Variants in PRICKLE2 observed in about 807,000 individuals in gnomAD.
The protein encoded by PRICKLE2 is prickle planar cell polarity protein 2.
Under a neutral mutation model 81.4 loss-of-function variants are expected in PRICKLE2, and 21 were observed. The ratio of observed to expected loss-of-function variants is 0.26; its 90% confidence interval spans 0.18 to 0.37. PRICKLE2 has a LOEUF of 0.37. Ranked by LOEUF, PRICKLE2 falls within the 10% of genes least tolerant of loss-of-function variation. The pLI is 1.00. For missense variants in PRICKLE2, 940 were observed against 1,109.0 expected (o/e 0.85, Z 2.16); for synonymous variants, 456 against 421.5 (o/e 1.08, Z -1.00).
chr3:64,230,677 T>C (rs2079089748), intron 2 of PRICKLE2, among the ~76,000 whole-genome samples: 2 of 152,142 alleles, frequency 1.3e-5, no homozygotes. Flanking sequence ...TGAATTCACA[T>C]CTGGCCCAAT....
At chr3:64,158,950 C>T (rs1273366086) in intron 4 of PRICKLE2, among the ~76,000 whole-genome samples, 4 of 152,126 alleles carry the variant, frequency 2.6e-5, no homozygotes, top group African/African-American at 4.8e-5. Context: ...AAGGGGTCTA[C>T]GCAGAGCTTA....
intron 2 of PRICKLE2, among the ~76,000 whole-genome samples, chr3:64,257,214 T>C (rs775753427): frequency 1.3e-5 from 2 of 152,240 alleles, no homozygotes; most frequent in Non-Finnish European, 2.9e-5. Context: ...GTTAAACCAG[T>C]GGTTCCCAAC....
rs67554015 is a variant in PRICKLE2 at position 64,165,963 on chromosome 3, GGTGTGTGTGTGTGTGTGTGT to G, written c.145-2854_145-2835del. On this transcript the variant is annotated intron_variant, in intron 2 of 7. Coordinates refer to ENST00000638394, the MANE Select transcript of PRICKLE2 (RefSeq NM_198859.4). ...GGGAAAAATGGCAAACTGTTATAAA[GGTGTGTGTGTGTGTGTGTGT>G]GTGTGTGTGTGTGTGTGTGTGTGTG... Among the ~76,000 whole-genome samples, 238 of 61,874 alleles carry G rather than the reference GGTGTGTGTGTGTGTGTGTGT, an allele frequency of 3.8e-3. 5 individuals carry two copies. The South Asian group carries it at 0.07, about 18-fold the overall frequency. The allele number at this position is 61,874 out of a possible 152,430, so 40.6% of individuals were successfully genotyped here.
intron 2 of PRICKLE2, among the ~76,000 whole-genome samples, chr3:64,193,478 C>G (rs1293908065): frequency 6.6e-6 from 1 of 152,166 alleles, no homozygotes; most frequent in Non-Finnish European, 1.5e-5. Context: ...AAAGGATAAT[C>G]CAGATCGAAA....
chr3:64,113,476 A>C (rs959716629), intron 7 of PRICKLE2, among the ~76,000 whole-genome samples: 3 of 152,092 alleles, frequency 2.0e-5, no homozygotes, highest in Admixed American at 6.5e-5. Context: ...ACCTTGCCTG[A>C]CTGGTGGAGA....
At chr3:64,228,461 T>C (rs1381062322), upstream of PRICKLE2, among the ~76,000 whole-genome samples, 1 of 152,102 alleles carries the variant, frequency 6.6e-6, no homozygotes, top group Non-Finnish European at 1.5e-5. Context: ...ACACAGAATA[T>C]TAAAATTACA....
Position 64,262,061 on chromosome 3 carries a change from G to A in PRICKLE2, c.129-63094C>T, listed in dbSNP as rs184633689. ...TGATTTACATACAGCAAAATCCATA[G>A]ACCTTATATGTAGAGTCTCATCAAT... On this transcript the variant is annotated intron_variant, in intron 2 of 8. Coordinates refer to the PRICKLE2 transcript ENST00000295902. Among the ~76,000 whole-genome samples, 24 of 152,204 alleles carry A rather than the reference G, an allele frequency of 1.6e-4. No individual in the cohort carries two copies. In the East Asian group the frequency reaches 4.6e-3, roughly 29 times the overall value.
At chr3:64,233,634 A>C (rs2079137249) in intron 2 of PRICKLE2, among the ~76,000 whole-genome samples, 1 of 152,198 alleles carries the variant, frequency 6.6e-6, no homozygotes, top group African/African-American at 2.4e-5. Flanking sequence ...CCCGCATCTT[A>C]CTAACATGGC....
intron 4 of PRICKLE2, among the ~76,000 whole-genome samples, chr3:64,158,663 G>A (rs1416639792): frequency 6.6e-6 from 1 of 152,170 alleles, no homozygotes; most frequent in African/African-American, 2.4e-5. Flanking sequence ...ACTGATCTGA[G>A]AGGAGCAAGG....
chr3:64,118,875 A>AT (rs2076982436), intron 7 of PRICKLE2, among the ~76,000 whole-genome samples: 1 of 12,132 alleles, frequency 8.2e-5, no homozygotes, highest in Non-Finnish European at 1.5e-4. Context: ...TAAATATTAT[A>AT]TCCAAATAAA....
chr3:64,184,662 G>A (rs913481030), intron 2 of PRICKLE2, among the ~76,000 whole-genome samples: 2 of 152,026 alleles, frequency 1.3e-5, no homozygotes, highest in African/African-American at 4.8e-5. Flanking sequence ...ATTTGAGATG[G>A]AATCTCGCTA....
In PRICKLE2 at chr3:64,136,909, T is replaced by A. The variant is rs534490848; in HGVS notation, c.1660+9921A>T. Among the ~76,000 whole-genome samples the A allele has an allele frequency of 2.0e-3, 303 of 152,306 alleles. 2 individuals are homozygous for A. The highest frequency in any genetic ancestry group is 7.1e-3 in the African/African-American group (296 of 41,558). On this transcript the variant is annotated intron_variant, in intron 7 of 7. Transcript: ENST00000638394. ...ATTCTGGAGGTGTGGTAACACCCAT[T>A]CAATTGAATATTAATGCAGTCATTA...
chr3:64,188,910 T>C (rs1329344502), intron 2 of PRICKLE2, among the ~76,000 whole-genome samples: 2 of 152,212 alleles, frequency 1.3e-5, no homozygotes, highest in East Asian at 3.9e-4. Context: ...CCAGATCATA[T>C]CACCCTTTCT....
chr3:64,258,663 A>G (rs1178693029), intron 2 of PRICKLE2, among the ~76,000 whole-genome samples: 2 of 151,550 alleles, frequency 1.3e-5, no homozygotes, highest in Non-Finnish European at 2.9e-5. Context: ...TACTTAAAAA[A>G]AGAAAAAAAA....
intron 7 of PRICKLE2, among the ~76,000 whole-genome samples, chr3:64,126,518 T>C (rs988517325): frequency 6.6e-6 from 1 of 152,168 alleles, no homozygotes; most frequent in African/African-American, 2.4e-5. Flanking sequence ...CACTGCATGA[T>C]GGTTAAAGGC....
At chr3:64,257,948 C>T (rs574016292) in intron 2 of PRICKLE2, among the ~76,000 whole-genome samples, 2 of 152,282 alleles carry the variant, frequency 1.3e-5, no homozygotes, top group East Asian at 3.9e-4. Flanking sequence ...CTCTTCCCTT[C>T]CACTGTGTGA....
At chr3:64,182,159 G>A (rs1490328686) in intron 2 of PRICKLE2, among the ~76,000 whole-genome samples, 3 of 152,084 alleles carry the variant, frequency 2.0e-5, no homozygotes, top group Admixed American at 2.0e-4. Flanking sequence ...CCTTTTGGAA[G>A]TTGCTTGGAA....
At chr3:64,207,120 G>A (rs543900520) in intron 1 of PRICKLE2, among the ~76,000 whole-genome samples, 4 of 152,196 alleles carry the variant, frequency 2.6e-5, no homozygotes, top group East Asian at 1.9e-4. Flanking sequence ...GGCTGGTCTC[G>A]AACTCCTGGG....
intron 1 of PRICKLE2, among the ~76,000 whole-genome samples, chr3:64,214,261 T>G (rs927121098): frequency 3.9e-5 from 6 of 152,160 alleles, no homozygotes; most frequent in African/African-American, 1.4e-4. Flanking sequence ...CAGAAATCCA[T>G]GTTGCTCAGC....
Sources: gnomAD v4.1 joint callset for allele counts (sites outside exome capture counted in the v4.1 genomes callset) on GRCh38, gnomAD v4.1.1 for gene constraint, MANE v1.5 for transcripts, NCBI Gene and HGNC (gene_info 2026-07-23, HGNC 2026-07-21) for gene names.